ZYG11B: variants seen among roughly 807,000 people sequenced by gnomAD.
The protein encoded by ZYG11B is zyg-11 family member B, cell cycle regulator.
In ZYG11B, 36 loss-of-function variants were observed where a neutral mutation model predicts 82.4. The observed-to-expected ratio is 0.44, with a 90% CI of 0.33 to 0.58. ZYG11B has a LOEUF of 0.58. Ranked by LOEUF, ZYG11B falls within the 20% of genes least tolerant of loss-of-function variation. The pLI is 0.02. For missense variants in ZYG11B, 552 were observed against 895.6 expected, an observed-to-expected ratio of 0.62 and a Z score of 4.90; for synonymous variants, 303 against 312.8, an observed-to-expected ratio of 0.97 and a Z score of 0.33.
intron 1 of ZYG11B, among the ~76,000 whole-genome samples, chr1:52,736,462 CT>C (rs1490364828): frequency 4.0e-5 from 6 of 149,924 alleles, no homozygotes; most frequent in Non-Finnish European, 8.9e-5. Context: ...TCTTTTTTTT[CT>C]TTTTTTTGAG....
intron 1 of ZYG11B, among the ~76,000 whole-genome samples, chr1:52,739,033 G>A (rs7529978): frequency 0.49 from 68,110 of 138,988 alleles, 16,932 homozygotes; most frequent in East Asian, 0.61. Context: ...CCAGGCTGGA[G>A]CGCAGTGACA....
At chr1:52,796,823 T>A (rs1415071380) in intron 8 of ZYG11B, 39 bp downstream of exon 8, 1 of 1,323,554 alleles carries the variant, frequency 7.6e-7, no homozygotes, top group Non-Finnish European at 9.8e-7. Flanking sequence ...CACTAGATAT[T>A]CATGTTTATT....
chr1:52,743,679 T>C (rs1644453181), intron 1 of ZYG11B, among the ~76,000 whole-genome samples: 1 of 152,096 alleles, frequency 6.6e-6, no homozygotes, highest in Non-Finnish European at 1.5e-5. Context: ...ATCACACTAC[T>C]GTACTCCAGC....
chr1:52,819,525 C>T (rs978371877), intron 13 of ZYG11B, among the ~76,000 whole-genome samples: 2 of 152,000 alleles, frequency 1.3e-5, no homozygotes, highest in Non-Finnish European at 2.9e-5. Context: ...TGGTGGCTCA[C>T]GCCTGTATTC....
At chr1:52,783,179 G>A (rs1303707555) in intron 4 of ZYG11B, among the ~76,000 whole-genome samples, 2 of 151,968 alleles carry the variant, frequency 1.3e-5, no homozygotes, top group African/African-American at 2.4e-5. Context: ...CACCTGCCTC[G>A]GCCTCCCAAA....
At chr1:52,749,245 T>G (rs1483300741) in intron 1 of ZYG11B, among the ~76,000 whole-genome samples, 1 of 151,856 alleles carries the variant, frequency 6.6e-6, no homozygotes, top group Admixed American at 6.6e-5. Flanking sequence ...GAAAGATGAG[T>G]GAGATTTTTG....
At chr1:52,794,614 C>CT (rs1644992639) in intron 6 of ZYG11B, among the ~76,000 whole-genome samples, 2 of 152,164 alleles carry the variant, frequency 1.3e-5, no homozygotes, top group Non-Finnish European at 2.9e-5. Context: ...CTGTGGATCT[C>CT]TGACAGCTAT....
chr1:52,772,283 G>A, intron 3 of ZYG11B: 2 of 1,331,746 alleles, frequency 1.5e-6, no homozygotes, highest in Non-Finnish European at 2.2e-6. Flanking sequence ...GCCAAACGGT[G>A]AATCTGGCTC....
chr1:52,815,824 A>G (rs1272489694), intron 12 of ZYG11B, among the ~76,000 whole-genome samples: 3 of 143,566 alleles, frequency 2.1e-5, no homozygotes, highest in Non-Finnish European at 4.7e-5. Flanking sequence ...AGTCCCAGCT[A>G]CTTGGGAGGC....
At chr1:52,801,557 C>T (rs1354150724) in intron 8 of ZYG11B, among the ~76,000 whole-genome samples, 1 of 151,706 alleles carries the variant, frequency 6.6e-6, no homozygotes, top group African/African-American at 2.4e-5. Flanking sequence ...AGATAGTTGA[C>T]CGAAGTTTTA....
intron 1 of ZYG11B, among the ~76,000 whole-genome samples, chr1:52,753,666 G>A (rs952230980): frequency 7.9e-5 from 12 of 151,512 alleles, no homozygotes; most frequent in African/African-American, 2.2e-4. Context: ...GTGTGATCTC[G>A]GCTCATCGCA....
chr1:52,812,484 C>G (rs777080711), intron 10 of ZYG11B, among the ~76,000 whole-genome samples: 5 of 152,090 alleles, frequency 3.3e-5, no homozygotes, highest in Non-Finnish European at 5.9e-5. Context: ...CTCACTGCAG[C>G]CTCCACCTCC....
chr1:52,777,320 CAT>C lies in ZYG11B; in HGVS notation c.952-2528_952-2527del, dbSNP rs566782799. Reference sequence around the variant, plus strand: ...TCATATGTACCCTTGTGTCATGTGACATATATCAATACTGTAGTCTAATTCAT... The same window carrying C: ...TCATATGTACCCTTGTGTCATGTGACATATCAATACTGTAGTCTAATTCAT... On this transcript the variant is annotated intron_variant, in intron 3 of 13. Coordinates refer to ENST00000294353, the MANE Select transcript of ZYG11B (RefSeq NM_024646.3). Among the ~76,000 whole-genome samples, 21 of 152,292 alleles carry C rather than the reference CAT, an allele frequency of 1.4e-4. 1 individual carries two copies. In the South Asian group the frequency reaches 4.1e-3, roughly 30 times the overall value.
Position 52,821,888 on chromosome 1 carries a change from C to G in ZYG11B, c.*259C>G, listed in dbSNP as rs1645287294. ...CCACATCTTTCAGTGTTTGAACTTA[C>G]TTGTGCTTGAGATTCTACAGTTTTA... is the stretch of plus-strand genomic sequence containing the variant. On this transcript the variant is annotated 3_prime_UTR_variant, in exon 14 of 14. Coordinates refer to ENST00000294353, the MANE Select transcript of ZYG11B (RefSeq NM_024646.3). 3.0e-6 allele frequency: 1 copy of G among 330,464 alleles called. No individual in the cohort carries two copies. 20.5% of individuals were successfully genotyped at this position (330,464 alleles called of 1,614,324 possible). A position where few individuals can be genotyped will look rare whatever the true frequency, so the allele number is the denominator to read the frequency against.
At chr1:52,779,641 C>T (rs1258048742) in intron 3 of ZYG11B, among the ~76,000 whole-genome samples, 2 of 152,134 alleles carry the variant, frequency 1.3e-5, no homozygotes, top group Non-Finnish European at 2.9e-5. Flanking sequence ...CAGGCATGCA[C>T]CACCGTGCTT....
chr1:52,743,654 C>G (rs887350299), intron 1 of ZYG11B, among the ~76,000 whole-genome samples: 1 of 152,032 alleles, frequency 6.6e-6, no homozygotes, highest in African/African-American at 2.4e-5. Flanking sequence ...GAAATTGAGA[C>G]TGCAGTGAGC....
chr1:52,737,980 T>A (rs532012696), intron 1 of ZYG11B, among the ~76,000 whole-genome samples: 2 of 152,200 alleles, frequency 1.3e-5, no homozygotes, highest in African/African-American at 4.8e-5. Context: ...CTAGGATAAA[T>A]GTTCTGTCCA....
chr1:52,807,968 G>T (rs190360821), intron 10 of ZYG11B, among the ~76,000 whole-genome samples: 1 of 152,250 alleles, frequency 6.6e-6, no homozygotes, highest in South Asian at 2.1e-4. Context: ...ATACTGATTA[G>T]CTTTTTTCTG....
chr1:52,815,935 AAAAT>A (rs374136919), intron 12 of ZYG11B, among the ~76,000 whole-genome samples: 2 of 152,034 alleles, frequency 1.3e-5, no homozygotes, highest in Non-Finnish European at 2.9e-5. Flanking sequence ...ACTCCGTATC[AAAAT>A]AAATAAATAA....
Sources: gnomAD v4.1 joint callset for allele counts (sites outside exome capture counted in the v4.1 genomes callset) on GRCh38, gnomAD v4.1.1 for gene constraint, MANE v1.5 for transcripts, NCBI Gene and HGNC (gene_info 2026-07-23, HGNC 2026-07-21) for gene names.